The following MYH11 variants were observed in gnomAD, a reference collection of about 807,000 sequenced individuals.
MYH11 encodes the protein myosin-11.
Under a neutral mutation model 246.6 loss-of-function variants are expected in MYH11, and 80 were observed. The ratio of observed to expected loss-of-function variants is 0.32; its 90% confidence interval spans 0.27 to 0.39. The LOEUF (loss-of-function observed/expected upper bound fraction) is 0.39, where lower values mean the gene tolerates loss of function less well. Among genes scored for constraint, MYH11 ranks in the 10% least tolerant of loss-of-function variants. MYH11 has a pLI of 1.00. For synonymous variants in MYH11, 1,071 were observed against 1,015.5 expected, an observed-to-expected ratio of 1.05 and a Z score of -1.04; for missense variants, 2,158 against 2,546.8, an observed-to-expected ratio of 0.85 and a Z score of 3.29.
In MYH11 at chr16:15,703,716, G is replaced by A; in HGVS notation, c.*275C>T. 2.1e-6 allele frequency: 1 copy of A among 473,930 alleles called. No individual in the cohort carries two copies. The highest frequency in any genetic ancestry group is 2.1e-5 in the South Asian group (1 of 48,402). 29.4% of individuals were successfully genotyped at this position (473,930 alleles called of 1,614,324 possible). ...CGTTCTTCCTGGCTCAGCCTCCCTA[G>A]TAGCTGGGACCACAGGTGTGTACCA... On this transcript the variant is annotated 3_prime_UTR_variant, in exon 41 of 41. Coordinates refer to ENST00000300036, the MANE Select transcript of MYH11 (RefSeq NM_002474.3).
chr16:15,721,599 G>GT lies in MYH11; in HGVS notation c.4400dup (p.Tyr1467Ter). The GT allele has an allele frequency of 6.2e-7, 1 of 1,614,128 alleles. No homozygotes were observed. Residue 1467 changes from tyrosine to a stop codon, truncating the protein, a stop_gained and frameshift_variant, in exon 32 of 41, where the codon TAC becomes TAAC. Coordinates refer to ENST00000300036, the MANE Select transcript of MYH11 (RefSeq NM_002474.3). LOFTEE classifies it high-confidence loss of function. ...LAEEKNISSK[Y>*]ADERDRAEAE... ...CCTCAGCTCTGTCCCTCTCATCCGC[G>GT]TATTTGGAAGAGATGTTTTTCTCCT... is the stretch of plus-strand genomic sequence containing the variant.
chr16:15,722,531 C>T (rs964135275), intron 31 of MYH11, among the ~76,000 whole-genome samples: 2 of 152,208 alleles, frequency 1.3e-5, no homozygotes, highest in Non-Finnish European at 2.9e-5. Context: ...TGTGCCACTG[C>T]ACTACACTCT....
Position 15,776,071 on chromosome 16 carries a change from C to T in MYH11, c.889+7G>A. On this transcript the variant is annotated splice_region_variant and intron_variant, in intron 8 of 40. Transcript: ENST00000300036. ...CATCCAATCACATGTCATTGCTAGTCACTTACTTCTCATCTTCTCCTTGGC... is the reference window on the plus strand; with the variant it reads ...CATCCAATCACATGTCATTGCTAGTTACTTACTTCTCATCTTCTCCTTGGC... The T allele has an allele frequency of 6.3e-7, 1 of 1,594,284 alleles. No individual in the cohort carries two copies. Among genetic ancestry groups the T allele is most frequent in the Non-Finnish European group, 8.6e-7 (1 of 1,161,848 alleles).
Position 15,706,408 on chromosome 16 carries a change from C to A in MYH11, c.5787-2285G>T, listed in dbSNP as rs537292283. ...TTCGTCACAGTTTTAACTCCAGGTT[C>A]AAACCCTGATGGGTTGGCCAGTTGC... On this transcript the variant is annotated intron_variant, in intron 40 of 40. Transcript: ENST00000300036. 9.0e-3 allele frequency among the ~76,000 whole-genome samples: 1,370 copies of A among 152,310 alleles called. 69 individuals are homozygous for A. The highest frequency in any genetic ancestry group is 0.081 in the Admixed American group (1,235 of 15,282).
intron 3 of MYH11, 120 bp downstream of exon 3, chr16:15,823,135 A>G: frequency 7.1e-7 from 1 of 1,399,106 alleles, no homozygotes; most frequent in Non-Finnish European, 9.9e-7. Flanking sequence ...TTTTTCAGCC[A>G]CAGTAACTCC....
chr16:15,765,383 G>A (rs1210055669), intron 9 of MYH11, among the ~76,000 whole-genome samples: 3 of 151,882 alleles, frequency 2.0e-5, no homozygotes, highest in Non-Finnish European at 2.9e-5. Flanking sequence ...ATGGATAGAC[G>A]ATGGATAGAT....
chr16:15,718,012 G>A, intron 37 of MYH11: 1 of 484,916 alleles, frequency 2.1e-6, no homozygotes, highest in Non-Finnish European at 3.8e-6. Flanking sequence ...GCTTCAGCTA[G>A]GGGAAAACGC....
chr16:15,843,699 CA>C (rs35135287), intron 1 of MYH11, among the ~76,000 whole-genome samples: 61 of 134,338 alleles, frequency 4.5e-4, no homozygotes, highest in Middle Eastern at 3.8e-3. Context: ...GACTCCGTCT[CA>C]AAAAAAAAAA....
At position 15,778,853 on chromosome 16, in the gene MYH11, G is replaced by C; in HGVS notation, c.727-10C>G. On this transcript the variant is annotated splice_polypyrimidine_tract_variant and intron_variant, in intron 6 of 40. Transcript: ENST00000300036. ...TGCGGATGAATTTGCCCTGCCAACA[G>C]GAAAACACAGTTCAGGCTTTGCTGC... is the stretch of plus-strand genomic sequence containing the variant. 1 of 1,614,000 alleles carries C rather than the reference G, an allele frequency of 6.2e-7. No individual in the cohort carries two copies. The highest frequency in any genetic ancestry group is 8.5e-7 in the Non-Finnish European group (1 of 1,179,950).
chr16:15,800,678 A>T (rs1223410383), intron 3 of MYH11, among the ~76,000 whole-genome samples: 1 of 151,834 alleles, frequency 6.6e-6, no homozygotes, highest in African/African-American at 2.4e-5. Flanking sequence ...GGACTGAAGA[A>T]GGCAAGGTGA....
At chr16:15,724,033 C>G (rs2040618687) in intron 31 of MYH11, 128 bp downstream of exon 31, 1 of 1,502,308 alleles carries the variant, frequency 6.7e-7, no homozygotes, top group African/African-American at 1.4e-5. Flanking sequence ...ATAAGACAGC[C>G]TCCCATGGCT....
At chr16:15,776,025 G>T in intron 8 of MYH11, 53 bp downstream of exon 8, 1 of 1,326,148 alleles carries the variant, frequency 7.5e-7, no homozygotes, top group Non-Finnish European at 1.1e-6. Flanking sequence ...CCCGGATTCT[G>T]ATGAAAGGGA....
At chr16:15,856,577 T>G (rs1352327112) in intron 1 of MYH11, among the ~76,000 whole-genome samples, 1 of 151,898 alleles carries the variant, frequency 6.6e-6, no homozygotes, top group Admixed American at 6.6e-5. Context: ...AGGGAGCATA[T>G]CTCCTGGATT....
At chr16:15,837,824 T>C (rs919846214) in intron 2 of MYH11, 84 bp downstream of exon 2, 93 of 1,301,512 alleles carry the variant, frequency 7.1e-5, no homozygotes, top group Non-Finnish European at 9.9e-5. Context: ...CATGAGCCAC[T>C]GTGCCCAGCC....
Position 15,715,253 on chromosome 16 carries a change from T to G in MYH11, c.5524A>C (p.Lys1842Gln). The G allele has an allele frequency of 1.2e-6, 2 of 1,613,976 alleles. No individual in the cohort carries two copies. The highest frequency in any genetic ancestry group is 1.7e-6 in the Non-Finnish European group (2 of 1,179,984). ...QEAREKQAAT[K>Q]SLKQKDKKLK... is the part of the protein sequence containing the mutation. ...TTCTTGTCTTTCTGCTTCAGCGACT[T>G]GGTGGCCGCCTGTTTCTCTCTGCAA... The change falls in exon 39 of 41, where the codon AAG (lysine) becomes CAG (glutamine). Residue 1842 changes from lysine to glutamine, a missense_variant. By Grantham distance (53) the Lys-to-Gln change is moderately conservative. Coordinates refer to ENST00000300036, the MANE Select transcript of MYH11 (RefSeq NM_002474.3).
chr16:15,827,533 G>A (rs966663188), intron 2 of MYH11, among the ~76,000 whole-genome samples: 3 of 152,230 alleles, frequency 2.0e-5, no homozygotes, highest in East Asian at 1.9e-4. Flanking sequence ...GGCTGGGAGT[G>A]GGGGGCTGCC....
chr16:15,752,467 G>C (rs2041597594), intron 15 of MYH11, among the ~76,000 whole-genome samples: 1 of 152,136 alleles, frequency 6.6e-6, no homozygotes, highest in Non-Finnish European at 1.5e-5. Context: ...GAGCCGGAGT[G>C]TGGTCCCTAG....
Position 15,718,377 on chromosome 16 carries a change from G to C in MYH11, c.5233C>G (p.Leu1745Val). Residue 1745 changes from leucine to valine, a missense_variant, in exon 37 of 41, where the codon CTG becomes GTG. Leu to Val is a conservative substitution (Grantham distance 32, BLOSUM62 1). Transcript: ENST00000300036. ...TCCATGTTGCCCTGCTCCTCCTCCA[G>C]CTCCTCCTCCAGCTGGGCGATCCGG... ...EARIAQLEEE[L>V]EEEQGNMEAM... is the part of the protein sequence containing the mutation. The C allele has an allele frequency of 6.2e-7, 1 of 1,606,120 alleles. No individual in the cohort carries two copies. Among genetic ancestry groups the C allele is most frequent in the Non-Finnish European group, 8.5e-7 (1 of 1,178,566 alleles).
chr16:15,766,050 C>G (rs1003510779), intron 9 of MYH11, among the ~76,000 whole-genome samples: 1 of 152,148 alleles, frequency 6.6e-6, no homozygotes, highest in Admixed American at 6.6e-5. Flanking sequence ...CCTCTAACCA[C>G]TAGATGTCAG....
Sources: allele counts gnomAD v4.1 joint callset (sites outside exome capture counted in the v4.1 genomes callset), GRCh38; gene constraint gnomAD v4.1.1; transcripts MANE v1.5; gene names NCBI Gene and HGNC (gene_info 2026-07-23, HGNC 2026-07-21).